ASB4: variants seen among roughly 807,000 people sequenced by gnomAD.
The protein encoded by ASB4 is ankyrin repeat and SOCS box containing 4.
In ASB4, 35 loss-of-function variants were observed where a neutral mutation model predicts 38.6. The observed-to-expected ratio is 0.91, with a 90% confidence interval of 0.69 to 1.20. ASB4 has a LOEUF of 1.20. Among genes scored for constraint, ASB4 ranks in the 50% most tolerant of loss-of-function variants. ASB4 has a pLI of 0.00. For missense variants in ASB4, 557 were observed against 527.2 expected (o/e 1.06, Z -0.55); for synonymous variants, 195 against 201.3 (o/e 0.97, Z 0.26).
At chr7:95,537,419 C>G (rs1180036222) in intron 4 of ASB4, 152 bp from the exon 5 acceptor site, 7 of 525,536 alleles carry the variant, frequency 1.3e-5, no homozygotes, top group Non-Finnish European at 1.7e-5. Flanking sequence ...CCTCACTGCT[C>G]CCATTTCAAT....
intron 2 of ASB4, among the ~76,000 whole-genome samples, chr7:95,515,345 CT>C (rs1200212183): frequency 8.4e-6 from 1 of 119,686 alleles, no homozygotes; most frequent in African/African-American, 3.1e-5. Flanking sequence ...TTCTTTCTTT[CT>C]TTCTTTTTCT....
rs1268681871 is a variant in ASB4 at position 95,537,676 on chromosome 7, T to A, written c.1198T>A (p.Cys400Ser). ...CATTAGAAGAACATTACACAACAGATGCCATAGAGCAATTCCTTTGCTTTC... is the reference window on the plus strand; with the variant it reads ...CATTAGAAGAACATTACACAACAGAAGCCATAGAGCAATTCCTTTGCTTTC... ...CAIRRTLHNR[C>S]HRAIPLLSLP... The change falls in exon 5 of 5, where the codon TGC becomes AGC. Residue 400 changes from cysteine to serine, a missense_variant. Coordinates refer to ENST00000325885, the MANE Select transcript of ASB4 (RefSeq NM_016116.3). 6.8e-6 allele frequency: 11 copies of A among 1,613,868 alleles called. No individual in the cohort carries two copies. The highest frequency in any genetic ancestry group is 9.3e-6 in the Non-Finnish European group (11 of 1,179,878).
intron 1 of ASB4, among the ~76,000 whole-genome samples, chr7:95,493,091 A>C (rs1388707078): frequency 6.6e-6 from 1 of 152,292 alleles, no homozygotes; most frequent in Non-Finnish European, 1.5e-5. Context: ...TCTGCCATGG[A>C]AAGTCCATAT....
chr7:95,481,740 A>G (rs534147426), upstream of ASB4, among the ~76,000 whole-genome samples: 2 of 152,318 alleles, frequency 1.3e-5, no homozygotes, highest in African/African-American at 4.8e-5. Context: ...TGTCTCAGCC[A>G]TGGGTCCCCA....
chr7:95,486,729 C>T (rs185489033), intron 1 of ASB4, among the ~76,000 whole-genome samples: 1 of 152,098 alleles, frequency 6.6e-6, no homozygotes, highest in Admixed American at 6.5e-5. Flanking sequence ...TCAGCAAAAC[C>T]AAAAAGTTAA....
intron 2 of ASB4, among the ~76,000 whole-genome samples, chr7:95,512,882 C>T (rs1790501926): frequency 6.6e-6 from 1 of 152,164 alleles, no homozygotes; most frequent in African/African-American, 2.4e-5. Context: ...TGTCTAAGTC[C>T]TCATCCTTGG....
chr7:95,526,679 A>G (rs1790741392), intron 2 of ASB4, among the ~76,000 whole-genome samples: 4 of 152,230 alleles, frequency 2.6e-5, no homozygotes, highest in Non-Finnish European at 5.9e-5. Context: ...TCAATGAGGC[A>G]ATATATGAAA....
At chr7:95,494,854 A>G (rs1790222176) in intron 1 of ASB4, among the ~76,000 whole-genome samples, 2 of 152,218 alleles carry the variant, frequency 1.3e-5, no homozygotes, top group South Asian at 4.1e-4. Context: ...GAGAATGCAC[A>G]TTTCCAAAAA....
intron 1 of ASB4, among the ~76,000 whole-genome samples, chr7:95,491,606 T>C (rs753742474): frequency 5.3e-5 from 8 of 152,212 alleles, no homozygotes; most frequent in Non-Finnish European, 1.2e-4. Flanking sequence ...ATCTGCCTCA[T>C]CAGTTAATTG....
upstream of ASB4, chr7:95,485,895 A>G: frequency 7.7e-7 from 1 of 1,296,834 alleles, no homozygotes; most frequent in Non-Finnish European, 1.1e-6. Flanking sequence ...CAGTTTGTGG[A>G]CTCTCCAGCA....
chr7:95,550,847 T>G, the ASB4 span, among the ~76,000 whole-genome samples: 1 of 152,180 alleles, frequency 6.6e-6, no homozygotes, highest in Admixed American at 6.5e-5. Flanking sequence ...AACTTGACTC[T>G]TCTCTTCCAT....
chr7:95,478,535 G>C (rs1368499329), exon 1 of ASB4: 1 of 152,172 alleles, frequency 6.6e-6, no homozygotes, highest in Non-Finnish European at 1.5e-5. Flanking sequence ...CACCTGTAAA[G>C]AGAGTCGCTG....
At chr7:95,483,457 T>A (rs1396393281), upstream of ASB4, among the ~76,000 whole-genome samples, 1 of 152,240 alleles carries the variant, frequency 6.6e-6, no homozygotes, top group South Asian at 2.1e-4. Flanking sequence ...ATCATTTACC[T>A]AAAGAGACTG....
chr7:95,506,090 G>C (rs950376626), intron 2 of ASB4, among the ~76,000 whole-genome samples: 5 of 151,962 alleles, frequency 3.3e-5, no homozygotes, highest in South Asian at 2.1e-4. Context: ...GTAGAGACAG[G>C]GTCTTGCTAT....
Position 95,533,591 on chromosome 7 carries a change from G to A in ASB4, c.979-2846G>A, listed in dbSNP as rs547983421. ...CCCCCTTGATAATCTCACTTTGAAT[G>A]CTTTCTTCATTTGGTATCTTTCACT... On this transcript the variant is annotated intron_variant, in intron 3 of 4. Transcript: ENST00000325885. 1.3e-4 allele frequency among the ~76,000 whole-genome samples: 20 copies of A among 152,234 alleles called. No individual in the cohort carries two copies. The South Asian group carries it at 4.2e-3, about 32-fold the overall frequency.
At chr7:95,550,889 A>G in the ASB4 span, among the ~76,000 whole-genome samples, 4 of 152,098 alleles carry the variant, frequency 2.6e-5, no homozygotes, top group South Asian at 2.1e-4. Context: ...CCTTCCCCAA[A>G]GTTTTCTTAA....
the ASB4 span, among the ~76,000 whole-genome samples, chr7:95,551,236 C>T: frequency 2.3e-3 from 343 of 152,308 alleles, 1 homozygote; most frequent in African/African-American, 7.4e-3. Flanking sequence ...TCGGCTTGGC[C>T]TCCCTAAATG....
chr7:95,537,517 T>C (rs1047699908), intron 4 of ASB4, 54 bp from the exon 5 acceptor site: 7 of 1,442,650 alleles, frequency 4.9e-6, no homozygotes, highest in Non-Finnish European at 4.7e-6. Flanking sequence ...TGATTTTTAT[T>C]GATGTAAACT....
rs191411461 is a variant in ASB4, at chr7:95,537,841, C to T, written c.*82C>T. 5.8e-5 allele frequency: 71 copies of T among 1,233,088 alleles called. No individual in the cohort carries two copies. The highest frequency in any genetic ancestry group is 1.5e-4 in the Admixed American group (7 of 47,660). 76.4% of individuals were successfully genotyped at this position (1,233,088 alleles called of 1,614,324 possible). ...CACAGTTTGCCTAAATAAAATGGTA[C>T]TTGGGTTGATTATAACACTTCAGGG... On this transcript the variant is annotated 3_prime_UTR_variant, in exon 5 of 5. Transcript: ENST00000325885.
Sources: gnomAD v4.1 joint callset for allele counts (sites outside exome capture counted in the v4.1 genomes callset) on GRCh38, gnomAD v4.1.1 for gene constraint, MANE v1.5 for transcripts, NCBI Gene and HGNC (gene_info 2026-07-23, HGNC 2026-07-21) for gene names.